PREX1: variants seen among roughly 807,000 people sequenced by gnomAD.
PREX1 encodes phosphatidylinositol 3,4,5-trisphosphate-dependent Rac exchanger 1 protein.
PREX1 carries 41 observed loss-of-function variants against 198.3 expected under a neutral mutation model. That is an observed-to-expected ratio of 0.21 (90% confidence interval 0.16 to 0.27). The LOEUF is 0.27. PREX1 is among the 10% of genes least tolerant of loss of function. PREX1 has a pLI of 1.00. For missense variants in PREX1, 1,620 were observed against 2,200.7 expected (o/e 0.74, Z 5.28); for synonymous variants, 843 against 887.2 (o/e 0.95, Z 0.89).
intron 14 of PREX1, among the ~76,000 whole-genome samples, chr20:48,668,119 C>G (rs1460617957): frequency 6.6e-6 from 1 of 152,112 alleles, no homozygotes; most frequent in African/African-American, 2.4e-5. Flanking sequence ...CAAATACACT[C>G]AATACGTCCC....
chr20:48,649,563 G>T lies in PREX1; in HGVS notation c.3042C>A (p.Pro1014=). 1 of 1,598,576 alleles carries T rather than the reference G, an allele frequency of 6.3e-7. No homozygotes were observed. The highest frequency in any genetic ancestry group is 8.5e-7 in the Non-Finnish European group (1 of 1,171,726). Residue 1014 remains proline (P), a synonymous_variant, in exon 25 of 40, where the codon CCC becomes CCA. Coordinates refer to ENST00000371941, the MANE Select transcript of PREX1 (RefSeq NM_020820.4). The part of the protein sequence containing the change: ...GLDPEQGHLN[P]MSYTQHCITT... ...TGATGCAGTGCTGGGTGTACGACAT[G>T]GGGTTCAGGTGGCCTGCAGTGGAGG...
rs575075197 is a variant in PREX1, at chr20:48,634,513, T to C, written c.4267+163A>G. Among the ~76,000 whole-genome samples, 85 of 152,184 alleles carry C rather than the reference T, an allele frequency of 5.6e-4. 1 individual carries two copies. Among genetic ancestry groups the C allele is most frequent in the Non-Finnish European group, 1.1e-3 (75 of 68,040 alleles). On this transcript the variant is annotated intron_variant, in intron 33 of 39. Coordinates refer to ENST00000371941, the MANE Select transcript of PREX1 (RefSeq NM_020820.4). Reference sequence around the variant, plus strand: ...TTCCATGTGTGCCCCAAAGTTCGGCTCTCACACTCATGTTGGAGGCATGAG... The same window carrying C: ...TTCCATGTGTGCCCCAAAGTTCGGCCCTCACACTCATGTTGGAGGCATGAG...
the PREX1 span, among the ~76,000 whole-genome samples, chr20:48,865,519 T>C: frequency 6.6e-6 from 1 of 152,210 alleles, no homozygotes; most frequent in Non-Finnish European, 1.5e-5. Flanking sequence ...GAACATTATA[T>C]GCTATCCTGA....
chr20:48,860,382 G>C, the PREX1 span, among the ~76,000 whole-genome samples: 1 of 152,202 alleles, frequency 6.6e-6, no homozygotes, highest in African/African-American at 2.4e-5. Context: ...GGGCAGAATG[G>C]GGAGTTGTTT....
intron 1 of PREX1, among the ~76,000 whole-genome samples, chr20:48,824,297 G>A (rs1475005946): frequency 2.6e-5 from 4 of 152,152 alleles, no homozygotes; most frequent in Non-Finnish European, 4.4e-5. Context: ...AGGAGATGGG[G>A]AAAGATGGGA....
chr20:48,860,493 G>C, the PREX1 span, among the ~76,000 whole-genome samples: 2 of 152,164 alleles, frequency 1.3e-5, no homozygotes, highest in Admixed American at 6.5e-5. Flanking sequence ...CGTCTGAACT[G>C]TACATTTAGA....
the PREX1 span, among the ~76,000 whole-genome samples, chr20:48,870,606 T>C: frequency 6.6e-6 from 1 of 152,166 alleles, no homozygotes; most frequent in Non-Finnish European, 1.5e-5. Context: ...ATCCACCAAG[T>C]GCCCTGCTCT....
rs1332979671 is a variant in PREX1 at position 48,692,748 on chromosome 20, G to A, written c.960C>T (p.Ile320=). The part of the protein sequence containing the change: ...SKKSTKRTKS[I]NGSLYIFRGR... Reference sequence around the variant, plus strand: ...CCCTGAAGATGTAGAGGGAGCCGTTGATGGATTTGGTCCTCTTGGTGGACT... The same window carrying A: ...CCCTGAAGATGTAGAGGGAGCCGTTAATGGATTTGGTCCTCTTGGTGGACT... The change falls in exon 8 of 40, where the codon ATC becomes ATT. Residue 320 remains isoleucine, a synonymous_variant. Coordinates refer to ENST00000371941, the MANE Select transcript of PREX1 (RefSeq NM_020820.4). The A allele has an allele frequency of 6.2e-7, 1 of 1,613,996 alleles. No individual in the cohort carries two copies. The highest frequency in any genetic ancestry group is 8.5e-7 in the Non-Finnish European group (1 of 1,180,010).
intron 22 of PREX1, 114 bp downstream of exon 22, chr20:48,651,282 G>T: frequency 7.0e-7 from 1 of 1,435,058 alleles, no homozygotes; most frequent in Non-Finnish European, 9.2e-7. Context: ...TCCAGGCTAA[G>T]CCTGAGGAAA....
At chr20:48,649,967 C>T in intron 24 of PREX1, 29 bp downstream of exon 24, 1 of 1,606,796 alleles carries the variant, frequency 6.2e-7, no homozygotes, top group Non-Finnish European at 8.5e-7. Context: ...AACATCTGAA[C>T]ACAGTTTCTA....
the PREX1 span, among the ~76,000 whole-genome samples, chr20:48,835,146 G>A: frequency 6.6e-6 from 1 of 152,348 alleles, no homozygotes; most frequent in South Asian, 2.1e-4. Flanking sequence ...GCCAAGCCAT[G>A]CCAAGCCACT....
chr20:48,652,805 G>A (rs554188158), intron 20 of PREX1, 99 bp from the exon 21 acceptor site: 2 of 1,348,892 alleles, frequency 1.5e-6, no homozygotes, highest in South Asian at 2.8e-5. Flanking sequence ...CAGAGCTCTG[G>A]AAACTCACTG....
In PREX1 at chr20:48,627,930, G is replaced by A. The variant is rs2089285740; in HGVS notation, c.4800C>T (p.Ala1600=). 6.2e-7 allele frequency: 1 copy of A among 1,612,286 alleles called. No homozygotes were observed. The highest frequency in any genetic ancestry group is 1.3e-5 in the African/African-American group (1 of 74,864). The change falls in exon 38 of 40, where the codon GCC becomes GCT. Residue 1600 remains alanine, a synonymous_variant. Coordinates refer to ENST00000371941, the MANE Select transcript of PREX1 (RefSeq NM_020820.4). ...STLSVSLEQA[A]ILARSHGLLP... is the part of the protein sequence containing the mutation. ...GCAACCCGTGGCTCCGTGCCAAGATGGCCGCCTGCTCCAGGGACACGCTCA... is the reference window on the plus strand; with the variant it reads ...GCAACCCGTGGCTCCGTGCCAAGATAGCCGCCTGCTCCAGGGACACGCTCA...
At chr20:48,662,387 G>A (rs139523870) in intron 15 of PREX1, among the ~76,000 whole-genome samples, 48 of 152,292 alleles carry the variant, frequency 3.2e-4, no homozygotes, top group African/African-American at 1.1e-3. Context: ...CCTTTCCCTC[G>A]AGGCTGCTGG....
At chr20:48,777,696 G>A (rs987721075) in intron 1 of PREX1, among the ~76,000 whole-genome samples, 1 of 152,168 alleles carries the variant, frequency 6.6e-6, no homozygotes, top group Admixed American at 6.5e-5. Context: ...GCCGGCAGCT[G>A]TACCTCTCTG....
Position 48,827,903 on chromosome 20 carries a change from G to GGT in PREX1, c.-44_-43insAC. The stretch of plus-strand genomic sequence containing the variant: ...GCGCCGGCTCCTTCCGTCGCGCCGA[G>GGT]CGGCAACTCAGGCGTCCAGGCGCCC... On this transcript the variant is annotated 5_prime_UTR_variant, in exon 1 of 40. Coordinates refer to ENST00000371941, the MANE Select transcript of PREX1 (RefSeq NM_020820.4). This position sits in a 1 kb window ranked among gnomAD's most constrained non-coding sequence, Gnocchi z 4.1. The GGT allele has an allele frequency of 2.2e-6, 2 of 896,036 alleles. No homozygotes were observed. Among genetic ancestry groups the GGT allele is most frequent in the African/African-American group, 3.6e-5 (2 of 54,832 alleles). The allele number at this position is 896,036 out of a possible 1,614,324, so 55.5% of individuals were successfully genotyped here.
chr20:48,697,798 G>C (rs1037662073), intron 7 of PREX1, among the ~76,000 whole-genome samples: 1 of 152,182 alleles, frequency 6.6e-6, no homozygotes, highest in Non-Finnish European at 1.5e-5. Context: ...GAGGATGGGA[G>C]GTGGGTTTTT....
At chr20:48,879,248 A>G in the PREX1 span, among the ~76,000 whole-genome samples, 1 of 152,190 alleles carries the variant, frequency 6.6e-6, no homozygotes, top group Non-Finnish European at 1.5e-5. Flanking sequence ...AAAAGTCATT[A>G]TTATTTTGCA....
intron 5 of PREX1, among the ~76,000 whole-genome samples, chr20:48,715,460 G>C (rs1213802485): frequency 6.6e-6 from 1 of 152,180 alleles, no homozygotes; most frequent in African/African-American, 2.4e-5. Context: ...AGAGCTCTGT[G>C]GTCAAGAGAA....
Sources: allele counts gnomAD v4.1 joint callset (sites outside exome capture counted in the v4.1 genomes callset), GRCh38; gene constraint gnomAD v4.1.1; non-coding constraint Gnocchi (gnomAD v3.1); transcripts MANE v1.5; gene names NCBI Gene and HGNC (gene_info 2026-07-23, HGNC 2026-07-21).